PIK3R5: variants seen among roughly 807,000 people sequenced by gnomAD.
The protein encoded by PIK3R5 is phosphoinositide-3-kinase regulatory subunit 5.
In PIK3R5, 32 loss-of-function variants were observed where a neutral mutation model predicts 94.9. That is an observed-to-expected ratio of 0.34 (90% CI 0.25 to 0.45). PIK3R5 has a LOEUF of 0.45. Among genes scored for constraint, PIK3R5 ranks in the 20% least tolerant of loss-of-function variants. PIK3R5 has a pLI of 1.00. For missense variants in PIK3R5, 853 were observed against 1,144.6 expected, an observed-to-expected ratio of 0.75 and a Z score of 3.68; for synonymous variants, 443 against 479.4, an observed-to-expected ratio of 0.92 and a Z score of 0.99.
At chr17:8,943,392 G>A (rs2091220251) in intron 1 of PIK3R5, among the ~76,000 whole-genome samples, 1 of 152,100 alleles carries the variant, frequency 6.6e-6, no homozygotes, top group East Asian at 1.9e-4. Context: ...ACCATGCCTG[G>A]CCTTGATTGA....
At position 8,884,665 on chromosome 17, in the gene PIK3R5, C is replaced by T; in HGVS notation, c.2205+42G>A. The T allele has an allele frequency of 6.7e-7, 1 of 1,482,096 alleles. No homozygotes were observed. The allele number at this position is 1,482,096 out of a possible 1,614,324, so 91.8% of individuals were successfully genotyped here. ...CAAGCTCTGGCGGAGGAAGTATCAGCAGCAGATCCTGGAGGGGAAGGAGCC... is the reference window on the plus strand; with the variant it reads ...CAAGCTCTGGCGGAGGAAGTATCAGTAGCAGATCCTGGAGGGGAAGGAGCC... On this transcript the variant is annotated intron_variant, in intron 15 of 18. Transcript: ENST00000447110. This position sits in a 1 kb window ranked among gnomAD's most constrained non-coding sequence, Gnocchi z 5.8.
intron 6 of PIK3R5, among the ~76,000 whole-genome samples, chr17:8,891,323 C>T (rs1008101460): frequency 1.7e-4 from 26 of 152,158 alleles, no homozygotes; most frequent in Non-Finnish European, 2.5e-4. Flanking sequence ...TGGACAGCAA[C>T]GTGGTGCTGT....
chr17:8,884,746 C>G lies in PIK3R5; in HGVS notation c.2166G>C (p.Arg722=). 1 of 1,613,392 alleles carries G rather than the reference C, an allele frequency of 6.2e-7. No individual in the cohort carries two copies. The stretch of plus-strand genomic sequence containing the variant: ...TCTGTAGTGTTAGAGGAACAGCCTC[C>G]CGGTCGCCATCGATGCCCAGCCGCT... ...GSKRLGIDGD[R]EAVPLTLQII... The change falls in exon 15 of 19, where the codon CGG becomes CGC. Residue 722 remains arginine (R), a synonymous_variant. Transcript: ENST00000447110. This position sits in a 1 kb window ranked among gnomAD's most constrained non-coding sequence, Gnocchi z 5.8.
intron 12 of PIK3R5, 97 bp from the exon 13 acceptor site, chr17:8,886,702 GAGGC>G: frequency 7.3e-7 from 1 of 1,361,682 alleles, no homozygotes. Context: ...GAGAGACATA[GAGGC>G]AGCCAGTCAG....
In PIK3R5 at chr17:8,909,410, C is replaced by T. The variant is rs955143937; in HGVS notation, c.104-236G>A. Among the ~76,000 whole-genome samples, 10 of 152,134 alleles carry T rather than the reference C, an allele frequency of 6.6e-5. No homozygotes were observed. The highest frequency in any genetic ancestry group is 2.4e-4 in the African/African-American group (10 of 41,422). ...GTTCAAGCGATTCCCCTGCCTCAGC[C>T]TCCCAAGTAGCTGGGATTACAGGCA... is the stretch of plus-strand genomic sequence containing the variant. On this transcript the variant is annotated intron_variant, in intron 2 of 18. Transcript: ENST00000447110. The surrounding 1 kb of genome is among the most constrained non-coding windows in gnomAD (Gnocchi z 4.3).
Position 8,911,634 on chromosome 17 carries a change from T to G in PIK3R5, c.-13-127A>C. 1 of 630,472 alleles carries G rather than the reference T, an allele frequency of 1.6e-6. No homozygotes were observed. The highest frequency in any genetic ancestry group is 2.8e-6 in the Non-Finnish European group (1 of 362,540). The allele number at this position is 630,472 out of a possible 1,614,324, so 39.1% of individuals were successfully genotyped here. ...CAGCCCAGCTATAGCTCAGGTGCTG[T>G]GGAAACAGGACCAGGGGCCTTACAG... On this transcript the variant is annotated intron_variant, in intron 1 of 18. Coordinates refer to ENST00000447110, the MANE Select transcript of PIK3R5 (RefSeq NM_001142633.3). The surrounding 1 kb of genome is among the most constrained non-coding windows in gnomAD (Gnocchi z 5.3).
At position 8,884,861 on chromosome 17, in the gene PIK3R5, G is replaced by T; in HGVS notation, c.2129-78C>A. The T allele has an allele frequency of 8.3e-7, 1 of 1,198,316 alleles. No homozygotes were observed. The highest frequency in any genetic ancestry group is 1.2e-6 in the Non-Finnish European group (1 of 813,484). The allele number at this position is 1,198,316 out of a possible 1,614,324, so 74.2% of individuals were successfully genotyped here. On this transcript the variant is annotated intron_variant, in intron 14 of 18. Transcript: ENST00000447110. This position sits in a 1 kb window ranked among gnomAD's most constrained non-coding sequence, Gnocchi z 5.8. ...ACGAACGCAGTGGCCTTGCCTCCCT[G>T]GGCCTTACCTCCCCATCCCCTACCA... is the stretch of plus-strand genomic sequence containing the variant.
Position 8,888,788 on chromosome 17 carries a change from GTCCTCCTCCACCTCC to G in PIK3R5, c.984_998del (p.Glu328_Glu332del). ...CGGCACAGTGCCCGTCAGTTTCCAA[GTCCTCCTCCACCTCC>G]TCCTCCTCCTCTTCCTCCTCTTCAT... On this transcript the variant is annotated inframe_deletion, in exon 10 of 19. Coordinates refer to ENST00000447110, the MANE Select transcript of PIK3R5 (RefSeq NM_001142633.3). The surrounding 1 kb of genome is among the most constrained non-coding windows in gnomAD (Gnocchi z 7.8). 2.5e-6 allele frequency: 4 copies of G among 1,612,638 alleles called. No homozygotes were observed. The highest frequency in any genetic ancestry group is 1.7e-5 in the Admixed American group (1 of 60,018).
intron 1 of PIK3R5, among the ~76,000 whole-genome samples, chr17:8,959,247 G>T (rs2091516554): frequency 6.6e-6 from 1 of 152,180 alleles, no homozygotes; most frequent in Non-Finnish European, 1.5e-5. Flanking sequence ...CCCCCAGCTT[G>T]CTTCTGACAA....
At position 8,884,814 on chromosome 17, in the gene PIK3R5, C is replaced by T. The variant is rs928042964; in HGVS notation, c.2129-31G>A. 8 of 1,600,180 alleles carry T rather than the reference C, an allele frequency of 5.0e-6. No homozygotes were observed. The highest frequency in any genetic ancestry group is 4.0e-5 in the African/African-American group (3 of 74,766). On this transcript the variant is annotated intron_variant, in intron 14 of 18. Coordinates refer to ENST00000447110, the MANE Select transcript of PIK3R5 (RefSeq NM_001142633.3). The surrounding 1 kb of genome is among the most constrained non-coding windows in gnomAD (Gnocchi z 5.8). ...CCACACACAGACAGACCCTTCACTA[C>T]CCCTGGCTTCCCCGGCTCCTCACGA...
chr17:8,958,895 T>C (rs1338777910), intron 1 of PIK3R5, among the ~76,000 whole-genome samples: 2 of 152,126 alleles, frequency 1.3e-5, no homozygotes, highest in Non-Finnish European at 2.9e-5. Flanking sequence ...GTAGCTGGGA[T>C]TACAGGCATG....
In PIK3R5 at chr17:8,893,454, G is replaced by C. The variant is rs1372856233; in HGVS notation, c.482+132C>G. On this transcript the variant is annotated intron_variant, in intron 6 of 18. Transcript: ENST00000447110. The surrounding 1 kb of genome is among the most constrained non-coding windows in gnomAD (Gnocchi z 5.1). ...GGGGTTCCCAGTTCCCTGGAAGCCT[G>C]TTTGTTGCTGGCTGGGGTGGACAGG... 13 of 715,582 alleles carry C rather than the reference G, an allele frequency of 1.8e-5. No homozygotes were observed. In the East Asian group the frequency reaches 3.1e-4, roughly 17 times the overall value. The allele number at this position is 715,582 out of a possible 1,614,324, so 44.3% of individuals were successfully genotyped here.
intron 1 of PIK3R5, among the ~76,000 whole-genome samples, chr17:8,922,584 T>C (rs2090775339): frequency 6.6e-6 from 1 of 152,120 alleles, no homozygotes; most frequent in Admixed American, 6.5e-5. Context: ...AAGGGCTGAG[T>C]GTACTGTTTC....
chr17:8,917,113 G>T (rs765036296), intron 1 of PIK3R5, among the ~76,000 whole-genome samples: 15 of 152,112 alleles, frequency 9.9e-5, no homozygotes, highest in African/African-American at 1.4e-4. Context: ...CTAAGTAAAA[G>T]AATTCTTCCC....
chr17:8,945,063 TGTGGAGCAGCCCAGA>T lies in PIK3R5; in HGVS notation c.-14+20518_-14+20532del, dbSNP rs1269238685. On this transcript the variant is annotated intron_variant, in intron 1 of 18. Coordinates refer to ENST00000447110, the MANE Select transcript of PIK3R5 (RefSeq NM_001142633.3). This position sits in a 1 kb window ranked among gnomAD's most constrained non-coding sequence, Gnocchi z 4.0. ...TGCTTGGGGGTCCAGGAAGCCCTGC[TGTGGAGCAGCCCAGA>T]GACCTGGCAAAGCTTTCTCATTGTT... Among the ~76,000 whole-genome samples, 55 of 152,192 alleles carry T rather than the reference TGTGGAGCAGCCCAGA, an allele frequency of 3.6e-4. No individual in the cohort carries two copies. Among genetic ancestry groups the T allele is most frequent in the Non-Finnish European group, 6.0e-4 (41 of 68,014 alleles).
chr17:8,906,761 T>C (rs1488416290), intron 3 of PIK3R5, among the ~76,000 whole-genome samples: 2 of 152,032 alleles, frequency 1.3e-5, no homozygotes, highest in Non-Finnish European at 2.9e-5. Context: ...CGCACACCTG[T>C]AATCCCAACT....
intron 1 of PIK3R5, among the ~76,000 whole-genome samples, chr17:8,959,256 A>G (rs1176508109): frequency 6.6e-6 from 1 of 152,186 alleles, no homozygotes; most frequent in East Asian, 1.9e-4. Context: ...TGCTTCTGAC[A>G]ACAGCTTCCT....
chr17:8,932,479 C>T (rs1160976712), intron 1 of PIK3R5, among the ~76,000 whole-genome samples: 1 of 152,126 alleles, frequency 6.6e-6, no homozygotes, highest in Admixed American at 6.5e-5. Flanking sequence ...CGGTGATCTG[C>T]CCACCTCGGC....
At position 8,888,878 on chromosome 17, in the gene PIK3R5, T is replaced by G. The variant is rs562828008; in HGVS notation, c.909A>C (p.Glu303Asp). ...GTAGCTCCTGTTCCTTGAGCAGGAT[T>G]TCCTGCAGGATGTCTGCAGGGAAGC... ...WSQDSFDILQ[E>D]ILLKEQELLQ... Residue 303 changes from glutamate to aspartate, a missense_variant, in exon 10 of 19, where the codon GAA becomes GAC. Physicochemically the swap from Glu to Asp is conservative, Grantham distance 45. Around this residue, in one of 6 missense-constraint regions of PIK3R5, gnomAD observed 161 missense variants for 249.5 expected, o/e 0.65. Transcript: ENST00000447110. This position sits in a 1 kb window ranked among gnomAD's most constrained non-coding sequence, Gnocchi z 7.8. 4 of 1,599,020 alleles carry G rather than the reference T, an allele frequency of 2.5e-6. No homozygotes were observed. The African/African-American group carries it at 5.3e-5, about 21-fold the overall frequency.
Sources: gnomAD v4.1 joint callset for allele counts (sites outside exome capture counted in the v4.1 genomes callset) on GRCh38, gnomAD v4.1.1 for gene constraint, gnomAD v4.1.1 regional missense constraint, Gnocchi (gnomAD v3.1) non-coding constraint, MANE v1.5 for transcripts, NCBI Gene and HGNC (gene_info 2026-07-23, HGNC 2026-07-21) for gene names.